CPSF2: variants seen among roughly 807,000 people sequenced by gnomAD.
CPSF2 encodes cleavage and polyadenylation specificity factor subunit 2.
In CPSF2, 51 loss-of-function variants were observed where a neutral mutation model predicts 84.2. That is an observed-to-expected ratio of 0.61 (90% CI 0.48 to 0.77). The LOEUF (loss-of-function observed/expected upper bound fraction) is 0.77, where lower values mean the gene tolerates loss of function less well. CPSF2 is among the 30% of genes least tolerant of loss of function. CPSF2 has a pLI of 0.00. For missense variants in CPSF2, 641 were observed against 929.4 expected, an observed-to-expected ratio of 0.69 and a Z score of 4.03; for synonymous variants, 286 against 311.9, an observed-to-expected ratio of 0.92 and a Z score of 0.87.
intron 14 of CPSF2, among the ~76,000 whole-genome samples, chr14:92,160,129 G>C (rs2069352473): frequency 6.6e-6 from 1 of 151,948 alleles, no homozygotes; most frequent in South Asian, 2.1e-4. Context: ...GGCCCGGCTA[G>C]TTTTTGTACT....
chr14:92,165,652 A>G lies in CPSF2; in HGVS notation c.*3908A>G, dbSNP rs903370765. 2 of 151,820 alleles carry G rather than the reference A, an allele frequency of 1.3e-5. No individual in the cohort carries two copies. The highest frequency in any genetic ancestry group is 2.4e-5 in the African/African-American group (1 of 41,338). The allele number at this position is 151,820 out of a possible 1,614,324, so 9.4% of individuals were successfully genotyped here. On this transcript the variant is annotated 3_prime_UTR_variant, in exon 16 of 16. Transcript: ENST00000298875. ...TCCTTTGTCCATTTTCAATTTGTTT[A>G]TCTTTACTGTTGAGATGTAAGAGTT...
In CPSF2 at chr14:92,165,334, C is replaced by T. The variant is rs75965151; in HGVS notation, c.*3590C>T. The T allele has an allele frequency of 6.6e-6, 1 of 151,636 alleles. No individual in the cohort carries two copies. Among genetic ancestry groups the T allele is most frequent in the Non-Finnish European group, 1.5e-5 (1 of 67,982 alleles). 9.4% of individuals were successfully genotyped at this position (151,636 alleles called of 1,614,324 possible). A position where few individuals can be genotyped will look rare whatever the true frequency, so the allele number is the denominator to read the frequency against. Reference sequence around the variant, plus strand: ...TGGATCATACAGTAATTCTGCTTAACCTTTTGAGGAGCTGCCAGGCTGTTT... The same window carrying T: ...TGGATCATACAGTAATTCTGCTTAATCTTTTGAGGAGCTGCCAGGCTGTTT... On this transcript the variant is annotated 3_prime_UTR_variant, in exon 16 of 16. Coordinates refer to ENST00000298875, the MANE Select transcript of CPSF2 (RefSeq NM_017437.3).
rs776767446 is a variant in CPSF2 at position 92,157,798 on chromosome 14, C to T, written c.1735C>T (p.Arg579Cys). The T allele has an allele frequency of 6.8e-6, 11 of 1,613,976 alleles. No individual in the cohort carries two copies. Among genetic ancestry groups the T allele is most frequent in the Middle Eastern group, 1.6e-4 (1 of 6,084 alleles). ...EASQDLAECC[R>C]AFGGKDIKVY... ...CAGTCAAGATCTGGCAGAGTGCTGT[C>T]GCGCCTTTGGTGGGAAAGATATTAA... Residue 579 changes from arginine (R) to cysteine (C), a missense_variant, in exon 13 of 16, where the codon CGC becomes TGC. Around this residue, in one of 2 missense-constraint regions of CPSF2, gnomAD observed 430 missense variants for 553.6 expected, o/e 0.78. Transcript: ENST00000298875. The surrounding 1 kb of genome is among the most constrained non-coding windows in gnomAD (Gnocchi z 4.0).
At chr14:92,154,575 C>T (rs772262756) in intron 10 of CPSF2, 117 bp downstream of exon 10, 5 of 653,566 alleles carry the variant, frequency 7.7e-6, no homozygotes, top group Non-Finnish European at 1.3e-5. Context: ...AATTTTGTTA[C>T]AGACATCTTT....
At chr14:92,147,850 A>G (rs1163928678) in intron 9 of CPSF2, among the ~76,000 whole-genome samples, 2 of 152,124 alleles carry the variant, frequency 1.3e-5, no homozygotes, top group African/African-American at 4.8e-5. Flanking sequence ...AAGCCTCCCA[A>G]TTAGTTCGCA....
chr14:92,160,072 C>T (rs61976588), intron 14 of CPSF2, among the ~76,000 whole-genome samples: 30,602 of 152,030 alleles, frequency 0.2, 3,329 homozygotes, highest in East Asian at 0.3. Flanking sequence ...AAGCGATTCT[C>T]CTGCCTCAGC....
intron 6 of CPSF2, among the ~76,000 whole-genome samples, chr14:92,137,020 T>C (rs201740494): frequency 9.7e-5 from 14 of 144,028 alleles, no homozygotes; most frequent in African/African-American, 3.6e-4. Context: ...AAACAACAAA[T>C]AAAAAAAAAA....
At position 92,126,133 on chromosome 14, in the gene CPSF2, A is replaced by T. The variant is rs1265398217; in HGVS notation, c.-82A>T. The T allele has an allele frequency of 2.0e-5, 3 of 152,208 alleles. No individual in the cohort carries two copies. The highest frequency in any genetic ancestry group is 2.0e-4 in the Admixed American group (3 of 15,288). The allele number at this position is 152,208 out of a possible 1,614,324, so 9.4% of individuals were successfully genotyped here. On this transcript the variant is annotated 5_prime_UTR_variant, in exon 2 of 16. Transcript: ENST00000298875. ...TATTTATTTTTTAGATTAATAAAGA[A>T]CTCTTCAGAATTCCTGGTGTTTCAT...
chr14:92,158,910 T>G (rs1032722520), intron 13 of CPSF2, 73 bp from the exon 14 acceptor site: 40 of 1,329,138 alleles, frequency 3.0e-5, no homozygotes, highest in Non-Finnish European at 3.7e-5. Flanking sequence ...TAGAAAATGA[T>G]AATAGGTTAT....
intron 2 of CPSF2, among the ~76,000 whole-genome samples, chr14:92,129,565 C>G (rs2068888789): frequency 1.3e-5 from 2 of 152,034 alleles, no homozygotes; most frequent in Non-Finnish European, 2.9e-5. Context: ...CTCCTACTTG[C>G]ATAGTTAGCC....
chr14:92,156,772 A>AT, intron 12 of CPSF2, 141 bp downstream of exon 12: 1 of 548,920 alleles, frequency 1.8e-6, no homozygotes, highest in Non-Finnish European at 3.0e-6. Context: ...TTTTGTATGA[A>AT]GAGACTTGTG....
Position 92,131,124 on chromosome 14 carries a change from C to G in CPSF2, c.140C>G (p.Ser47Cys), listed in dbSNP as rs752598231. 6.9e-6 allele frequency: 11 copies of G among 1,601,272 alleles called. No homozygotes were observed. Among genetic ancestry groups the G allele is most frequent in the Non-Finnish European group, 8.5e-6 (10 of 1,175,566 alleles). ...CACTTTTCTATGGATATTATTGATTCCCTGAGGAAGTAAGTTACATTTCAT... is the reference window on the plus strand; with the variant it reads ...CACTTTTCTATGGATATTATTGATTGCCTGAGGAAGTAAGTTACATTTCAT... ...DEHFSMDIIDSLRKHVHQIDA... is the reference protein window; with the variant it reads ...DEHFSMDIIDCLRKHVHQIDA... Residue 47 changes from serine (S) to cysteine (C), a missense_variant, in exon 3 of 16, where the codon TCC (serine) becomes TGC (cysteine). By Grantham distance (112) the Ser-to-Cys change is moderately radical. Around this residue, in one of 2 missense-constraint regions of CPSF2, gnomAD observed 211 missense variants for 375.7 expected, o/e 0.56. Coordinates refer to ENST00000298875, the MANE Select transcript of CPSF2 (RefSeq NM_017437.3).
At chr14:92,131,171 C>A in intron 3 of CPSF2, 38 bp downstream of exon 3, 1 of 1,515,730 alleles carries the variant, frequency 6.6e-7, no homozygotes. Context: ...TTTATTAAAT[C>A]AACTTCTCTT....
chr14:92,135,380 C>T lies in CPSF2; in HGVS notation c.429C>T (p.Gly143=). The T allele has an allele frequency of 4.3e-6, 7 of 1,611,580 alleles. No homozygotes were observed. The South Asian group carries it at 7.7e-5, about 18-fold the overall frequency. The stretch of plus-strand genomic sequence containing the variant: ...TTGTTGACATAGGTAAAGGACATGG[C>T]CTGTCTATCACACCTCTGCCAGCTG... ...QIVNLKGKGH[G]LSITPLPAGH... is the part of the protein sequence containing the mutation. Residue 143 remains glycine, a synonymous_variant, in exon 6 of 16, where the codon GGC becomes GGT. Coordinates refer to ENST00000298875, the MANE Select transcript of CPSF2 (RefSeq NM_017437.3).
intron 7 of CPSF2, among the ~76,000 whole-genome samples, chr14:92,141,837 T>G (rs1299186992): frequency 6.6e-6 from 1 of 152,200 alleles, no homozygotes; most frequent in Non-Finnish European, 1.5e-5. Flanking sequence ...GCTGGTTACA[T>G]TTGGCCTGGT....
intron 9 of CPSF2, among the ~76,000 whole-genome samples, chr14:92,149,741 C>T (rs142930553): frequency 6.8e-4 from 103 of 151,748 alleles, no homozygotes; most frequent in East Asian, 1.6e-3. Flanking sequence ...CTGCAACCTC[C>T]GCCTCCCAGG....
intron 1 of CPSF2, among the ~76,000 whole-genome samples, chr14:92,123,347 G>T (rs1042444589): frequency 1.3e-5 from 2 of 151,602 alleles, no homozygotes; most frequent in Non-Finnish European, 2.9e-5. Context: ...AGGATTATCC[G>T]CCTGCCTCGG....
chr14:92,142,238 C>T lies in CPSF2; in HGVS notation c.736C>T (p.Leu246Phe). Reference sequence around the variant, plus strand: ...GGACACAGCAGGCAGAGTTTTGGAACTTGCTCAACTTCTTGATCAGATTTG... The same window carrying T: ...GGACACAGCAGGCAGAGTTTTGGAATTTGCTCAACTTCTTGATCAGATTTG... ...AVDTAGRVLE[L>F]AQLLDQIWRT... The change falls in exon 8 of 16, where the codon CTT (leucine) becomes TTT (phenylalanine). Residue 246 changes from leucine (L) to phenylalanine (F), a missense_variant. This residue lies in a region of CPSF2 where 211 missense variants were observed against 375.7 expected (regional missense o/e 0.56). Coordinates refer to ENST00000298875, the MANE Select transcript of CPSF2 (RefSeq NM_017437.3). The T allele has an allele frequency of 6.2e-7, 1 of 1,614,030 alleles. No homozygotes were observed. Among genetic ancestry groups the T allele is most frequent in the Non-Finnish European group, 8.5e-7 (1 of 1,179,916 alleles).
intron 1 of CPSF2, 119 bp from the exon 2 acceptor site, chr14:92,126,003 G>A (rs147969360): frequency 6.6e-6 from 1 of 152,194 alleles, no homozygotes; most frequent in East Asian, 1.9e-4. Flanking sequence ...AAAGGACCAC[G>A]TATTATACTA....
Sources: gnomAD v4.1 joint callset for allele counts (sites outside exome capture counted in the v4.1 genomes callset) on GRCh38, gnomAD v4.1.1 for gene constraint, gnomAD v4.1.1 regional missense constraint, Gnocchi (gnomAD v3.1) non-coding constraint, MANE v1.5 for transcripts, NCBI Gene and HGNC (gene_info 2026-07-23, HGNC 2026-07-21) for gene names.